CDYL2: variants seen among roughly 807,000 people sequenced by gnomAD.
CDYL2 encodes the protein chromodomain Y like 2.
CDYL2 carries 23 observed loss-of-function variants against 49.4 expected under a neutral mutation model. That is an observed-to-expected ratio of 0.47 (90% CI 0.34 to 0.66). The LOEUF (loss-of-function observed/expected upper bound fraction) is 0.66. CDYL2 is among the 30% of genes least tolerant of loss of function. CDYL2 has a pLI of 0.01. For missense variants in CDYL2, 678 were observed against 656.4 expected (o/e 1.03, Z -0.36); for synonymous variants, 360 against 268.8 (o/e 1.34, Z -3.32).
intron 1 of CDYL2, among the ~76,000 whole-genome samples, chr16:80,800,275 G>T (rs1845359563): frequency 6.6e-6 from 1 of 152,078 alleles, no homozygotes; most frequent in Non-Finnish European, 1.5e-5. Flanking sequence ...AACGAAGAAG[G>T]CTACACCCTG....
At chr16:80,610,337 G>C (rs550925064) in intron 5 of CDYL2, among the ~76,000 whole-genome samples, 1 of 152,168 alleles carries the variant, frequency 6.6e-6, no homozygotes, top group Admixed American at 6.5e-5. Flanking sequence ...GAGAATGTGC[G>C]GAGCTGCCTC....
chr16:80,627,044 T>C (rs1199901801), intron 3 of CDYL2, among the ~76,000 whole-genome samples: 1 of 152,198 alleles, frequency 6.6e-6, no homozygotes, highest in East Asian at 1.9e-4. Context: ...ATGATTTTTT[T>C]TAATGGATAG....
intron 3 of CDYL2, among the ~76,000 whole-genome samples, chr16:80,627,063 T>C (rs1420281049): frequency 6.6e-6 from 1 of 151,976 alleles, no homozygotes; most frequent in Non-Finnish European, 1.5e-5. Context: ...AGGATTTTGG[T>C]GGAAAAAACA....
At chr16:80,659,091 G>C (rs1199775421) in intron 2 of CDYL2, among the ~76,000 whole-genome samples, 1 of 140,252 alleles carries the variant, frequency 7.1e-6, no homozygotes, top group Non-Finnish European at 1.5e-5. Flanking sequence ...ATGGATGGAT[G>C]GATGGATGGA....
Position 80,684,752 on chromosome 16 carries a change from C to T in CDYL2, c.402G>A (p.Thr134=), listed in dbSNP as rs144386832. The change falls in exon 2 of 7, where the codon ACG becomes ACA. Residue 134 remains threonine, a synonymous_variant. Transcript: ENST00000570137. ...PSSGGDRATK[T]VSYRTTPSGL... is the part of the protein sequence containing the mutation. ...CACTGGGGGTAGTCCTGTAAGACAC[C>T]GTCTTGGTGGCCCTGTCACCTCCTG... 2.2e-3 allele frequency: 3,630 copies of T among 1,614,132 alleles called. 53 individuals carry two copies. In the African/African-American group the frequency reaches 0.037, roughly 16 times the overall value.
At chr16:80,700,802 C>T (rs984244364) in intron 1 of CDYL2, among the ~76,000 whole-genome samples, 1 of 152,244 alleles carries the variant, frequency 6.6e-6, no homozygotes, top group Non-Finnish European at 1.5e-5. Flanking sequence ...CATAGGTTCA[C>T]ATCATGCTAG....
At chr16:80,720,587 T>A (rs1231286779) in intron 1 of CDYL2, among the ~76,000 whole-genome samples, 1 of 152,334 alleles carries the variant, frequency 6.6e-6, no homozygotes, top group East Asian at 1.9e-4. Context: ...GGAGTATCCA[T>A]CCCCATTAAT....
At chr16:80,758,424 GAAGT>G (rs1906389529) in intron 1 of CDYL2, among the ~76,000 whole-genome samples, 1 of 151,890 alleles carries the variant, frequency 6.6e-6, no homozygotes, top group Non-Finnish European at 1.5e-5. Flanking sequence ...AGGTAATTTC[GAAGT>G]AAGAATCAAA....
chr16:80,632,411 G>C (rs951051705), intron 3 of CDYL2, among the ~76,000 whole-genome samples: 1 of 150,384 alleles, frequency 6.6e-6, no homozygotes, highest in Non-Finnish European at 1.5e-5. Context: ...GGGCATGGGA[G>C]AAAGGAGAAT....
chr16:80,802,887 T>C (rs1232290573), intron 1 of CDYL2, among the ~76,000 whole-genome samples: 3 of 152,224 alleles, frequency 2.0e-5, no homozygotes, highest in Non-Finnish European at 2.9e-5. Flanking sequence ...CAATGTCTTA[T>C]GCAAAAGGCT....
At chr16:80,645,227 T>C (rs1170287373) in intron 2 of CDYL2, among the ~76,000 whole-genome samples, 1 of 152,192 alleles carries the variant, frequency 6.6e-6, no homozygotes. Context: ...AGAACATTTT[T>C]GCAATCTACT....
intron 2 of CDYL2, among the ~76,000 whole-genome samples, chr16:80,652,551 A>G (rs1908628603): frequency 1.3e-5 from 2 of 152,232 alleles, no homozygotes; most frequent in Middle Eastern, 3.2e-3. Context: ...ATAACTTCCC[A>G]TTCCTGAGTG....
At chr16:80,686,489 T>C (rs1910200333) in intron 1 of CDYL2, among the ~76,000 whole-genome samples, 1 of 152,154 alleles carries the variant, frequency 6.6e-6, no homozygotes, top group Non-Finnish European at 1.5e-5. Flanking sequence ...TTAAGTCGAG[T>C]CAGGAATAAG....
intron 1 of CDYL2, among the ~76,000 whole-genome samples, chr16:80,800,870 T>C (rs1212634667): frequency 1.3e-5 from 2 of 152,146 alleles, no homozygotes; most frequent in East Asian, 1.9e-4. Flanking sequence ...CACCCAAACA[T>C]CTTAGCAAAA....
intron 4 of CDYL2, among the ~76,000 whole-genome samples, chr16:80,615,943 C>A (rs1906807906): frequency 6.6e-6 from 1 of 152,204 alleles, no homozygotes; most frequent in African/African-American, 2.4e-5. Flanking sequence ...ACGGGCCCTG[C>A]AGCTCCGATA....
intron 1 of CDYL2, among the ~76,000 whole-genome samples, chr16:80,686,894 G>C (rs1007571975): frequency 2.0e-5 from 3 of 152,090 alleles, no homozygotes; most frequent in Non-Finnish European, 4.4e-5. Context: ...TAAACGTCCT[G>C]GGAACAGGTC....
intron 2 of CDYL2, among the ~76,000 whole-genome samples, chr16:80,636,907 C>T (rs1907854962): frequency 1.3e-5 from 2 of 152,138 alleles, no homozygotes; most frequent in African/African-American, 4.8e-5. Context: ...TTTGCAGAGA[C>T]ATGGATGAAG....
chr16:80,673,730 C>G lies in CDYL2; in HGVS notation c.616+10808G>C, dbSNP rs543106385. On this transcript the variant is annotated intron_variant, in intron 2 of 6. Coordinates refer to ENST00000570137, the MANE Select transcript of CDYL2 (RefSeq NM_152342.4). The stretch of plus-strand genomic sequence containing the variant: ...ATCCTTAAAGATCTCATATCCTAAT[C>G]CCTGGGACCTATGAATGTGGTACCT... 3.3e-5 allele frequency among the ~76,000 whole-genome samples: 5 copies of G among 152,276 alleles called. No individual in the cohort carries two copies. The East Asian group carries it at 9.7e-4, about 29-fold the overall frequency.
At chr16:80,705,627 G>A (rs953347710) in intron 1 of CDYL2, among the ~76,000 whole-genome samples, 7 of 152,202 alleles carry the variant, frequency 4.6e-5, no homozygotes, top group African/African-American at 7.2e-5. Flanking sequence ...AGTAGAACTG[G>A]CATTATTATA....
Sources: allele counts gnomAD v4.1 joint callset (sites outside exome capture counted in the v4.1 genomes callset), GRCh38; gene constraint gnomAD v4.1.1; transcripts MANE v1.5; gene names NCBI Gene and HGNC (gene_info 2026-07-23, HGNC 2026-07-21).